The following H2BC26 variants were observed in gnomAD, a reference collection of about 807,000 sequenced individuals.
H2BC26 encodes the protein H2B clustered histone 26, also known as histone H2B type 3-B.
the H2BC26 span, chr1:228,458,231 C>T: frequency 1.1e-5 from 18 of 1,614,070 alleles, no homozygotes; most frequent in South Asian, 3.3e-5. Context: ...AGCGCGGCCG[C>T]AAGGAGAGCT....
chr1:228,458,353 C>T, the H2BC26 span: 17 of 1,614,218 alleles, frequency 1.1e-5, no homozygotes, highest in Non-Finnish European at 1.4e-5. Context: ...GAGCGCATCG[C>T]CAGCGAGGCC....
At chr1:228,458,338 T>G in the H2BC26 span, 1 of 1,614,058 alleles carries the variant, frequency 6.2e-7, no homozygotes, top group Non-Finnish European at 8.5e-7. Context: ...GTCAATGACA[T>G]CTTCGAGCGC....
At chr1:228,458,407 G>A in the H2BC26 span, 1 of 1,614,184 alleles carries the variant, frequency 6.2e-7, no homozygotes, top group Non-Finnish European at 8.5e-7. Flanking sequence ...ATCACGTCCC[G>A]CGAAGTGCAG....
At chr1:228,458,557 C>T in the H2BC26 span, 4 of 1,611,748 alleles carry the variant, frequency 2.5e-6, no homozygotes, top group Non-Finnish European at 2.5e-6. Flanking sequence ...CAGAGCCACC[C>T]ACACGATCAA....
chr1:228,458,328 G>A, the H2BC26 span: 5 of 1,614,072 alleles, frequency 3.1e-6, no homozygotes, highest in African/African-American at 1.3e-5. Context: ...GAACTCCTTC[G>A]TCAATGACAT....
chr1:228,458,462 C>T, the H2BC26 span: 3 of 1,614,208 alleles, frequency 1.9e-6, no homozygotes, highest in South Asian at 2.2e-5. Context: ...CCAAGCACGC[C>T]GTGTCCGAGG....
chr1:228,458,211 A>G, the H2BC26 span: 1 of 1,614,170 alleles, frequency 6.2e-7, no homozygotes, highest in East Asian at 2.2e-5. Context: ...GAAGGACGGC[A>G]AGAAGCGCAA....
At chr1:228,458,279 C>T in the H2BC26 span, 31 of 1,614,086 alleles carry the variant, frequency 1.9e-5, 1 homozygote, top group Non-Finnish European at 2.5e-5. Flanking sequence ...AGCAGGTGCA[C>T]CCCGACACCG....
the H2BC26 span, chr1:228,458,149 CG>C: frequency 6.2e-7 from 1 of 1,608,404 alleles, no homozygotes; most frequent in Admixed American, 1.7e-5. Flanking sequence ...CCGTCCAAAT[CG>C]GCTCCTGCGC....
At chr1:228,458,263 T>C in the H2BC26 span, 19 of 1,614,132 alleles carry the variant, frequency 1.2e-5, no homozygotes, top group Non-Finnish European at 1.6e-5. Context: ...GTGTACAAGG[T>C]GCTGAAGCAG....
the H2BC26 span, chr1:228,458,343 G>C: frequency 6.2e-7 from 1 of 1,614,186 alleles, no homozygotes; most frequent in Non-Finnish European, 8.5e-7. Flanking sequence ...TGACATCTTC[G>C]AGCGCATCGC....
chr1:228,458,158 C>T, the H2BC26 span: 267 of 1,610,558 alleles, frequency 1.7e-4, no homozygotes, highest in Non-Finnish European at 2.2e-4. Context: ...TCGGCTCCTG[C>T]GCCCAAGAAG....
At chr1:228,458,130 A>G in the H2BC26 span, 8 of 1,586,726 alleles carry the variant, frequency 5.0e-6, no homozygotes, top group East Asian at 8.9e-5. Context: ...CTCAGCCATC[A>G]TGCCAGACCC....
At chr1:228,458,415 C>T in the H2BC26 span, 2 of 1,614,220 alleles carry the variant, frequency 1.2e-6, no homozygotes. Flanking sequence ...CCGCGAAGTG[C>T]AGACGGCCGT....
At chr1:228,458,278 A>T in the H2BC26 span, 1 of 1,614,016 alleles carries the variant, frequency 6.2e-7, no homozygotes, top group East Asian at 2.2e-5. Context: ...AAGCAGGTGC[A>T]CCCCGACACC....
At chr1:228,458,403 T>A in the H2BC26 span, 1 of 1,614,100 alleles carries the variant, frequency 6.2e-7, no homozygotes, top group Non-Finnish European at 8.5e-7. Context: ...CACCATCACG[T>A]CCCGCGAAGT....
the H2BC26 span, chr1:228,458,109 G>A: frequency 2.6e-6 from 4 of 1,562,714 alleles, no homozygotes; most frequent in Admixed American, 2.0e-5. Context: ...GCGCGTTTCT[G>A]TTTGGAGAGA....
the H2BC26 span, chr1:228,458,161 C>T: frequency 1.2e-6 from 2 of 1,611,974 alleles, no homozygotes; most frequent in South Asian, 2.2e-5. Flanking sequence ...GCTCCTGCGC[C>T]CAAGAAGGGT....
chr1:228,458,276 G>A, the H2BC26 span: 5 of 1,614,220 alleles, frequency 3.1e-6, no homozygotes, highest in Non-Finnish European at 4.2e-6. Flanking sequence ...TGAAGCAGGT[G>A]CACCCCGACA....
Sources: gnomAD v4.1 joint callset for allele counts on GRCh38, gnomAD v4.1.1 for gene constraint, MANE v1.5 for transcripts, NCBI Gene and HGNC (gene_info 2026-07-23, HGNC 2026-07-21) for gene names.